The following TBL1XR1 variants were observed in gnomAD, a reference collection of about 807,000 sequenced individuals.
TBL1XR1 encodes F-box-like/WD repeat-containing protein TBL1XR1.
In TBL1XR1, 5 loss-of-function variants were observed where a neutral mutation model predicts 66.9. That is an observed-to-expected ratio of 0.07 (90% CI 0.04 to 0.16). The LOEUF (loss-of-function observed/expected upper bound fraction) is 0.16. Ranked by LOEUF, TBL1XR1 falls within the 10% of genes least tolerant of loss-of-function variation. The probability of loss-of-function intolerance (pLI) is 1.00; values close to 1 mark genes in which losing one functional copy is unlikely to be tolerated. For missense variants in TBL1XR1, 238 were observed against 623.2 expected (o/e 0.38, Z 6.58); for synonymous variants, 210 against 206.0 (o/e 1.02, Z -0.17).
At chr3:177,107,859 G>A (rs13079386) in intron 1 of TBL1XR1, among the ~76,000 whole-genome samples, 23,558 of 152,040 alleles carry the variant, frequency 0.15, 2,074 homozygotes, top group South Asian at 0.38. Context: ...TCATTGGCAC[G>A]CAATGGTCTA....
At chr3:177,028,563 T>C (rs1713485096) in intron 14 of TBL1XR1, among the ~76,000 whole-genome samples, 1 of 151,966 alleles carries the variant, frequency 6.6e-6, no homozygotes, top group South Asian at 2.1e-4. Context: ...TCAAAACACA[T>C]TAGGAAAAAA....
At chr3:177,081,421 G>C (rs927094411) in intron 2 of TBL1XR1, among the ~76,000 whole-genome samples, 3 of 151,946 alleles carry the variant, frequency 2.0e-5, no homozygotes, top group Non-Finnish European at 4.4e-5. Flanking sequence ...ATCTTACCTT[G>C]TCCATCATTT....
chr3:177,075,815 G>A (rs941822870), intron 2 of TBL1XR1, among the ~76,000 whole-genome samples: 4 of 152,066 alleles, frequency 2.6e-5, no homozygotes, highest in African/African-American at 9.7e-5. Context: ...AAACTAAGAG[G>A]CTTAGAACAA....
intron 1 of TBL1XR1, among the ~76,000 whole-genome samples, chr3:177,119,112 C>A (rs1174128140): frequency 6.6e-6 from 1 of 152,122 alleles, no homozygotes; most frequent in African/African-American, 2.4e-5. Flanking sequence ...GCTGGGATTA[C>A]AGGCACCTGC....
chr3:177,072,602 G>A (rs1266770567), intron 2 of TBL1XR1, among the ~76,000 whole-genome samples: 1 of 152,106 alleles, frequency 6.6e-6, no homozygotes. Context: ...AAGTAACAGA[G>A]TTACTTCCGT....
chr3:177,107,631 CTG>C (rs1374288459), intron 1 of TBL1XR1, among the ~76,000 whole-genome samples: 2 of 152,302 alleles, frequency 1.3e-5, no homozygotes, highest in South Asian at 2.1e-4. Context: ...CAAACACAAG[CTG>C]TGTTATCTGC....
At chr3:177,180,533 T>C (rs1734696847) in intron 1 of TBL1XR1, among the ~76,000 whole-genome samples, 1 of 152,186 alleles carries the variant, frequency 6.6e-6, no homozygotes, top group Non-Finnish European at 1.5e-5. Flanking sequence ...ATCACTAAAA[T>C]ACTGTTGCAA....
intron 2 of TBL1XR1, among the ~76,000 whole-genome samples, chr3:177,093,713 A>G (rs1376897485): frequency 6.6e-6 from 1 of 152,214 alleles, no homozygotes; most frequent in Non-Finnish European, 1.5e-5. Flanking sequence ...ACAAAAACAT[A>G]AAGTGGGGAT....
intron 14 of TBL1XR1, chr3:177,027,730 T>A (rs1331703082): frequency 6.6e-6 from 1 of 152,206 alleles, no homozygotes; most frequent in East Asian, 1.9e-4. Context: ...TTTAGCCCAG[T>A]AATGTGGCAC....
chr3:177,135,145 G>A (rs1459744836), intron 1 of TBL1XR1, among the ~76,000 whole-genome samples: 2 of 151,100 alleles, frequency 1.3e-5, no homozygotes, highest in African/African-American at 2.4e-5. Flanking sequence ...GGGGTTACAG[G>A]TGCACACCAC....
At chr3:177,044,580 C>T (rs1014977005) in intron 10 of TBL1XR1, among the ~76,000 whole-genome samples, 8 of 152,012 alleles carry the variant, frequency 5.3e-5, no homozygotes, top group African/African-American at 9.6e-5. Flanking sequence ...ATCCTGAGTG[C>T]GGTAATAGTT....
At chr3:177,084,516 T>C (rs1721886278) in intron 2 of TBL1XR1, among the ~76,000 whole-genome samples, 1 of 152,276 alleles carries the variant, frequency 6.6e-6, no homozygotes, top group Non-Finnish European at 1.5e-5. Context: ...CTTAGGAGTA[T>C]TCCATTGTAC....
chr3:177,104,871 C>G (rs1724679001), intron 1 of TBL1XR1, among the ~76,000 whole-genome samples: 1 of 152,156 alleles, frequency 6.6e-6, no homozygotes, highest in Admixed American at 6.6e-5. Flanking sequence ...AAAAAACTCT[C>G]AAGTATTTCT....
chr3:177,095,237 G>A (rs1723324213), intron 2 of TBL1XR1, among the ~76,000 whole-genome samples: 1 of 151,994 alleles, frequency 6.6e-6, no homozygotes, highest in Admixed American at 6.6e-5. Context: ...GGAACTCGCA[G>A]GCGGGTAGGA....
At chr3:177,045,468 T>G (rs931197438) in intron 10 of TBL1XR1, among the ~76,000 whole-genome samples, 3 of 152,096 alleles carry the variant, frequency 2.0e-5, no homozygotes, top group Non-Finnish European at 4.4e-5. Context: ...TGTCTGGGTG[T>G]GTGACTGTAT....
chr3:177,130,332 G>A (rs903946862), intron 1 of TBL1XR1, among the ~76,000 whole-genome samples: 1 of 151,916 alleles, frequency 6.6e-6, no homozygotes, highest in Non-Finnish European at 1.5e-5. Flanking sequence ...CCATCAACAG[G>A]GGCCTGGTAA....
intron 1 of TBL1XR1, among the ~76,000 whole-genome samples, chr3:177,156,696 T>G (rs1731565480): frequency 6.6e-6 from 1 of 151,930 alleles, no homozygotes; most frequent in African/African-American, 2.4e-5. Flanking sequence ...ATTTGAACAG[T>G]TCACAAAAAG....
At chr3:177,126,937 A>G (rs1727707576) in intron 1 of TBL1XR1, among the ~76,000 whole-genome samples, 1 of 152,188 alleles carries the variant, frequency 6.6e-6, no homozygotes, top group Non-Finnish European at 1.5e-5. Flanking sequence ...GGCTTAAGGA[A>G]TAAGAGCATT....
Position 177,021,839 on chromosome 3 carries a change from G to A in TBL1XR1, c.*3659C>T, listed in dbSNP as rs1712418746. On this transcript the variant is annotated 3_prime_UTR_variant, in exon 16 of 16. Coordinates refer to ENST00000457928, the MANE Select transcript of TBL1XR1 (RefSeq NM_024665.7). ...TATGCAAGTACCATCCTTATCATGC[G>A]AGAATAATCACAGGTTCTGTAGAAA... 1 of 152,590 alleles carries A rather than the reference G, an allele frequency of 6.6e-6. No homozygotes were observed. Among genetic ancestry groups the A allele is most frequent in the South Asian group, 2.1e-4 (1 of 4,834 alleles). 9.5% of individuals were successfully genotyped at this position (152,590 alleles called of 1,614,324 possible).
Sources: gnomAD v4.1 joint callset for allele counts (sites outside exome capture counted in the v4.1 genomes callset) on GRCh38, gnomAD v4.1.1 for gene constraint, MANE v1.5 for transcripts, NCBI Gene and HGNC (gene_info 2026-07-23, HGNC 2026-07-21) for gene names.